The following CTNNA3 variants were observed in gnomAD, a reference collection of about 807,000 sequenced individuals.
The protein encoded by CTNNA3 is catenin alpha-3.
Under a neutral mutation model 95.7 loss-of-function variants are expected in CTNNA3, and 76 were observed. The ratio of observed to expected loss-of-function variants is 0.79; its 90% CI spans 0.66 to 0.96. The LOEUF is 0.96. Ranked by LOEUF, CTNNA3 falls within the 40% of genes least tolerant of loss-of-function variation. The pLI is 0.00. For missense variants in CTNNA3, 1,191 were observed against 1,089.8 expected, an observed-to-expected ratio of 1.09 and a Z score of -1.31; for synonymous variants, 431 against 374.4, an observed-to-expected ratio of 1.15 and a Z score of -1.74.
chr10:67,626,720 T>G (rs886387189), intron 2 of CTNNA3, among the ~76,000 whole-genome samples: 1 of 152,174 alleles, frequency 6.6e-6, no homozygotes, highest in African/African-American at 2.4e-5. Flanking sequence ...TGCATTAAAC[T>G]CCCTCATCTA....
chr10:67,049,304 T>C (rs1204920630), intron 7 of CTNNA3, among the ~76,000 whole-genome samples: 1 of 152,056 alleles, frequency 6.6e-6, no homozygotes, highest in Non-Finnish European at 1.5e-5. Context: ...CAACCAATGA[T>C]GAAGGCTCAA....
intron 7 of CTNNA3, among the ~76,000 whole-genome samples, chr10:66,842,214 A>T (rs1843091419): frequency 6.6e-6 from 1 of 151,976 alleles, no homozygotes; most frequent in African/African-American, 2.4e-5. Context: ...AAGTGCTGGG[A>T]TTACAGGTGT....
At chr10:66,910,386 A>C (rs1356114563) in intron 7 of CTNNA3, among the ~76,000 whole-genome samples, 1 of 152,214 alleles carries the variant, frequency 6.6e-6, no homozygotes, top group Admixed American at 6.5e-5. Context: ...CAAGTCTTAT[A>C]CAATATGACT....
At position 67,539,637 on chromosome 10, in the gene CTNNA3, TA is replaced by T. The variant is rs1840606575; in HGVS notation, c.324del (p.Phe108LeufsTer25). ...TTTGGGAGAAAACAGGGGTCATCTG[TA>T]AATCTCTCAGCTGATACTTTCAGAG... is the stretch of plus-strand genomic sequence containing the variant. ...SEALKVSAER[F>X]TDDPCFLPKR... On this transcript the variant is annotated frameshift_variant, in exon 4 of 18. Coordinates refer to ENST00000433211, the MANE Select transcript of CTNNA3 (RefSeq NM_013266.4). LOFTEE classifies it high-confidence loss of function. The T allele has an allele frequency of 1.2e-6, 2 of 1,613,678 alleles. No homozygotes were observed. The highest frequency in any genetic ancestry group is 1.7e-6 in the Non-Finnish European group (2 of 1,179,702).
At chr10:65,978,990 G>T (rs1052756384) in intron 16 of CTNNA3, among the ~76,000 whole-genome samples, 31 of 152,048 alleles carry the variant, frequency 2.0e-4, no homozygotes, top group Non-Finnish European at 4.4e-5. Flanking sequence ...GTCTCATATG[G>T]TATGTTCAAG....
intron 13 of CTNNA3, among the ~76,000 whole-genome samples, chr10:66,111,495 A>C (rs1430251875): frequency 6.6e-6 from 1 of 152,276 alleles, no homozygotes; most frequent in East Asian, 1.9e-4. Flanking sequence ...TATGCAGTCC[A>C]TCACTGAATG....
At chr10:67,571,369 T>C (rs758689836) in intron 3 of CTNNA3, among the ~76,000 whole-genome samples, 3 of 152,204 alleles carry the variant, frequency 2.0e-5, no homozygotes, top group Non-Finnish European at 4.4e-5. Flanking sequence ...CTCTGGTCAC[T>C]CTAAGTATCT....
intron 11 of CTNNA3, among the ~76,000 whole-genome samples, chr10:66,411,707 T>C (rs1262665679): frequency 6.6e-6 from 1 of 152,068 alleles, no homozygotes; most frequent in East Asian, 1.9e-4. Context: ...CAGTGATAAA[T>C]ACTGTAAATA....
intron 13 of CTNNA3, among the ~76,000 whole-genome samples, chr10:66,237,105 G>A (rs1471394735): frequency 6.6e-6 from 1 of 152,048 alleles, no homozygotes; most frequent in Non-Finnish European, 1.5e-5. Context: ...AACAGAGCAA[G>A]GTCATGTCTG....
At chr10:67,604,539 A>G (rs1416651663) in intron 3 of CTNNA3, among the ~76,000 whole-genome samples, 1 of 152,210 alleles carries the variant, frequency 6.6e-6, no homozygotes. Context: ...AATAATCCTG[A>G]ATTCATGAAG....
At chr10:67,633,068 C>T (rs1436542919) in intron 2 of CTNNA3, among the ~76,000 whole-genome samples, 1 of 152,098 alleles carries the variant, frequency 6.6e-6, no homozygotes, top group Admixed American at 6.5e-5. Context: ...ACAAATGGTC[C>T]AGACAAAGAA....
rs748259183 is a variant in CTNNA3, at chr10:67,051,449, CTTTTTTCTTTTTTCT to C, written c.1047+128853_1047+128867del. On this transcript the variant is annotated intron_variant, in intron 7 of 17. Coordinates refer to ENST00000433211, the MANE Select transcript of CTNNA3 (RefSeq NM_013266.4). Reference sequence around the variant, plus strand: ...TCTAATTTCCTTACACATCTTTTTTCTTTTTTCTTTTTTCTTTTTTTTTTTTTGGTGACGGAGTCT... The same window carrying C: ...TCTAATTTCCTTACACATCTTTTTTCTTTTTTTTTTTTGGTGACGGAGTCT... Among the ~76,000 whole-genome samples, 718 of 108,628 alleles carry C rather than the reference CTTTTTTCTTTTTTCT, an allele frequency of 6.6e-3. 1 individual carries two copies. The highest frequency in any genetic ancestry group is 0.013 in the South Asian group (40 of 3,016). 71.3% of individuals were successfully genotyped at this position (108,628 alleles called of 152,430 possible). A position where few individuals can be genotyped will look rare whatever the true frequency, so the allele number is the denominator to read the frequency against.
chr10:66,635,517 G>C (rs1000827965), intron 9 of CTNNA3, among the ~76,000 whole-genome samples: 4 of 152,126 alleles, frequency 2.6e-5, no homozygotes, highest in African/African-American at 7.2e-5. Flanking sequence ...CTTAAAGAGA[G>C]ATACAATATA....
At chr10:65,958,791 C>A (rs552055280) in intron 17 of CTNNA3, among the ~76,000 whole-genome samples, 2 of 152,278 alleles carry the variant, frequency 1.3e-5, no homozygotes, top group East Asian at 3.9e-4. Context: ...TATGAGGTGT[C>A]AGTCAGCCCC....
intron 11 of CTNNA3, among the ~76,000 whole-genome samples, chr10:66,502,152 G>A (rs959322911): frequency 2.6e-5 from 4 of 152,064 alleles, no homozygotes; most frequent in African/African-American, 9.7e-5. Context: ...GGGTGATAAA[G>A]GTTTAGGTAT....
At chr10:67,117,213 GGGAAATTTAACCATGTGATCTTCA>G (rs1470974466) in intron 7 of CTNNA3, among the ~76,000 whole-genome samples, 4 of 151,714 alleles carry the variant, frequency 2.6e-5, no homozygotes, top group Non-Finnish European at 5.9e-5. Flanking sequence ...TGAAAAATAA[GGGAAATTTAACCATGTGATCTTCA>G]GAGTCCCTTC....
chr10:67,516,292 G>A (rs1207600032), intron 5 of CTNNA3, among the ~76,000 whole-genome samples: 1 of 152,124 alleles, frequency 6.6e-6, no homozygotes, highest in East Asian at 1.9e-4. Flanking sequence ...GCAATTCCCA[G>A]TGCAATATTA....
chr10:66,066,174 A>AT (rs1225034077), intron 15 of CTNNA3, among the ~76,000 whole-genome samples: 1 of 152,176 alleles, frequency 6.6e-6, no homozygotes, highest in Non-Finnish European at 1.5e-5. Flanking sequence ...CCAAGATGAT[A>AT]TTATAATATA....
chr10:66,557,607 C>A (rs1041385329), intron 10 of CTNNA3, among the ~76,000 whole-genome samples: 1 of 152,044 alleles, frequency 6.6e-6, no homozygotes, highest in Non-Finnish European at 1.5e-5. Context: ...CTCAATATCC[C>A]ATCTGATTGA....
Sources: allele counts gnomAD v4.1 joint callset (sites outside exome capture counted in the v4.1 genomes callset), GRCh38; gene constraint gnomAD v4.1.1; transcripts MANE v1.5; gene names NCBI Gene and HGNC (gene_info 2026-07-23, HGNC 2026-07-21).